Variants in HSPA12A observed in about 807,000 individuals in gnomAD.
HSPA12A encodes the protein heat shock 70 kDa protein 12A.
Under a neutral mutation model 69.2 loss-of-function variants are expected in HSPA12A, and 28 were observed. The ratio of observed to expected loss-of-function variants is 0.40; its 90% CI spans 0.30 to 0.55. HSPA12A has a LOEUF of 0.55. Among genes scored for constraint, HSPA12A ranks in the 20% least tolerant of loss-of-function variants. HSPA12A has a pLI of 0.38. For synonymous variants in HSPA12A, 345 were observed against 370.5 expected (o/e 0.93, Z 0.79); for missense variants, 686 against 900.7 (o/e 0.76, Z 3.05).
At chr10:116,755,409 C>T (rs941834306) in intron 2 of HSPA12A, among the ~76,000 whole-genome samples, 3 of 151,866 alleles carry the variant, frequency 2.0e-5, no homozygotes, top group East Asian at 2.0e-4. Flanking sequence ...GCCAGGAGTT[C>T]GAGACCAGCA....
At chr10:116,743,195 G>A (rs963530200), upstream of HSPA12A, among the ~76,000 whole-genome samples, 15 of 152,228 alleles carry the variant, frequency 9.9e-5, no homozygotes, top group African/African-American at 3.6e-4. Flanking sequence ...GCTGAGTCGC[G>A]CCTTCCATAT....
At chr10:116,714,898 A>G (rs1390083733) in intron 1 of HSPA12A, among the ~76,000 whole-genome samples, 1 of 152,120 alleles carries the variant, frequency 6.6e-6, no homozygotes, top group Non-Finnish European at 1.5e-5. Context: ...ATTCTGCATC[A>G]CCCTTCAGGG....
chr10:116,784,549 G>T (rs142861868), intron 2 of HSPA12A, among the ~76,000 whole-genome samples: 7 of 152,288 alleles, frequency 4.6e-5, no homozygotes, highest in African/African-American at 1.7e-4. Flanking sequence ...GTTTGTTGAG[G>T]GAATGAATGA....
intron 2 of HSPA12A, among the ~76,000 whole-genome samples, chr10:116,796,019 G>T (rs1042524186): frequency 6.7e-6 from 1 of 150,092 alleles, no homozygotes; most frequent in Non-Finnish European, 1.5e-5. Flanking sequence ...GTGGTGGTGG[G>T]TGCCTGTAGT....
chr10:116,763,490 C>T (rs1844015222), intron 2 of HSPA12A, among the ~76,000 whole-genome samples: 1 of 152,180 alleles, frequency 6.6e-6, no homozygotes, highest in African/African-American at 2.4e-5. Flanking sequence ...GCATACATCG[C>T]TTCTGTTTGT....
At chr10:116,732,328 C>CG (rs1554885907) in intron 1 of HSPA12A, among the ~76,000 whole-genome samples, 12 of 124,142 alleles carry the variant, frequency 9.7e-5, no homozygotes, top group South Asian at 2.6e-4. Context: ...TCAAAAAAAA[C>CG]AAAGAAAGAA....
intron 2 of HSPA12A, chr10:116,751,380 G>A (rs1195393950): frequency 6.5e-6 from 1 of 154,276 alleles, no homozygotes; most frequent in Non-Finnish European, 1.4e-5. Flanking sequence ...CATTTTGCAT[G>A]TACATAATGC....
chr10:116,778,431 G>A (rs1001810159), intron 2 of HSPA12A, among the ~76,000 whole-genome samples: 22 of 152,298 alleles, frequency 1.4e-4, no homozygotes, highest in Admixed American at 1.1e-3. Flanking sequence ...GCCCTGACAC[G>A]GATGGGGAGA....
intron 1 of HSPA12A, among the ~76,000 whole-genome samples, chr10:116,714,656 G>A (rs568518269): frequency 6.6e-6 from 1 of 152,244 alleles, no homozygotes; most frequent in East Asian, 1.9e-4. Flanking sequence ...CCTTGTCAGG[G>A]TCTTCCCCTG....
At chr10:116,742,574 C>G (rs1360091391), upstream of HSPA12A, 40 of 1,142,028 alleles carry the variant, frequency 3.5e-5, no homozygotes, top group Non-Finnish European at 4.3e-5. Flanking sequence ...TCTGAGCCGC[C>G]GGGCAGCGGG....
intron 2 of HSPA12A, among the ~76,000 whole-genome samples, chr10:116,780,519 T>C (rs1321485867): frequency 1.6e-5 from 2 of 121,784 alleles, no homozygotes; most frequent in African/African-American, 3.0e-5. Flanking sequence ...ACCCAGCTAA[T>C]TTTTTGATTT....
At chr10:116,787,798 G>T (rs1424535652) in intron 2 of HSPA12A, among the ~76,000 whole-genome samples, 1 of 152,172 alleles carries the variant, frequency 6.6e-6, no homozygotes, top group Non-Finnish European at 1.5e-5. Context: ...CCTGGCAGCC[G>T]CTTGGCACAA....
At chr10:116,730,631 C>T (rs1363206223) in intron 1 of HSPA12A, among the ~76,000 whole-genome samples, 1 of 152,246 alleles carries the variant, frequency 6.6e-6, no homozygotes, top group African/African-American at 2.4e-5. Flanking sequence ...CCTCATGCCC[C>T]ATTCCATCTG....
intron 3 of HSPA12A, among the ~76,000 whole-genome samples, chr10:116,702,350 G>A (rs1450300693): frequency 2.0e-5 from 3 of 152,114 alleles, no homozygotes; most frequent in African/African-American, 7.2e-5. Flanking sequence ...CAGTGCAGGA[G>A]GGAAAATGAG....
intron 2 of HSPA12A, among the ~76,000 whole-genome samples, chr10:116,759,261 A>T (rs1843919580): frequency 6.6e-6 from 1 of 152,166 alleles, no homozygotes; most frequent in South Asian, 2.1e-4. Context: ...TTCTGTCTCC[A>T]TCTCTGTGGC....
chr10:116,775,636 C>T (rs1407509148), intron 2 of HSPA12A, among the ~76,000 whole-genome samples: 6 of 152,196 alleles, frequency 3.9e-5, no homozygotes, highest in Non-Finnish European at 5.9e-5. Flanking sequence ...TGAGCCCTGA[C>T]TTTCCTCAGT....
intron 2 of HSPA12A, among the ~76,000 whole-genome samples, chr10:116,797,186 G>A (rs1479095784): frequency 6.6e-6 from 1 of 152,188 alleles, no homozygotes; most frequent in Non-Finnish European, 1.5e-5. Context: ...TTGCTAAACA[G>A]AGGGGCTCCT....
Position 116,686,447 on chromosome 10 carries a change from G to A in HSPA12A, c.664-2485C>T, listed in dbSNP as rs988812979. Among the ~76,000 whole-genome samples the A allele has an allele frequency of 5.3e-5, 8 of 152,190 alleles. No homozygotes were observed. The highest frequency in any genetic ancestry group is 2.1e-4 in the South Asian group (1 of 4,826). The stretch of plus-strand genomic sequence containing the variant: ...TTGCTGCAAAGAAACTGCCAGGCCT[G>A]TATGTATACAATTCTCCTCCAAAGT... On this transcript the variant is annotated intron_variant, in intron 6 of 11. Coordinates refer to ENST00000369209, the MANE Select transcript of HSPA12A (RefSeq NM_025015.3). This position sits in a 1 kb window ranked among gnomAD's most constrained non-coding sequence, Gnocchi z 4.1.
At chr10:116,719,086 C>T (rs1057285049) in intron 1 of HSPA12A, among the ~76,000 whole-genome samples, 4 of 152,196 alleles carry the variant, frequency 2.6e-5, no homozygotes, top group Non-Finnish European at 5.9e-5. Flanking sequence ...CAAGATACTG[C>T]TGTGTCCACT....
Sources: gnomAD v4.1 joint callset for allele counts (sites outside exome capture counted in the v4.1 genomes callset) on GRCh38, gnomAD v4.1.1 for gene constraint, Gnocchi (gnomAD v3.1) non-coding constraint, MANE v1.5 for transcripts, NCBI Gene and HGNC (gene_info 2026-07-23, HGNC 2026-07-21) for gene names.